CHD6: variants seen among roughly 807,000 people sequenced by gnomAD.
CHD6 encodes ATP-dependent chromatin remodeler CHD6.
Under a neutral mutation model 276.9 loss-of-function variants are expected in CHD6, and 50 were observed. The ratio of observed to expected loss-of-function variants is 0.18; its 90% CI spans 0.14 to 0.23. The LOEUF is 0.23. Among genes scored for constraint, CHD6 ranks in the 10% least tolerant of loss-of-function variants. The probability of loss-of-function intolerance (pLI) is 1.00; values close to 1 mark genes in which losing one functional copy is unlikely to be tolerated. For missense variants in CHD6, 2,564 were observed against 3,365.8 expected (o/e 0.76, Z 5.89); for synonymous variants, 1,173 against 1,229.3 (o/e 0.95, Z 0.96).
chr20:41,453,318 T>C (rs1351966905), intron 20 of CHD6, among the ~76,000 whole-genome samples: 2 of 152,204 alleles, frequency 1.3e-5, no homozygotes, highest in Non-Finnish European at 2.9e-5. Context: ...GAGAGCAGTC[T>C]GCACTCTGGA....
chr20:41,421,980 A>G lies in CHD6; in HGVS notation c.4655T>C (p.Val1552Ala), dbSNP rs1429038468. 2 of 1,614,126 alleles carry G rather than the reference A, an allele frequency of 1.2e-6. No individual in the cohort carries two copies. The highest frequency in any genetic ancestry group is 2.2e-5 in the East Asian group (1 of 44,902). The change falls in exon 31 of 37, where the codon GTG (valine) becomes GCG (alanine). Residue 1552 changes from valine (V) to alanine (A), a missense_variant. Around this residue, in one of 7 missense-constraint regions of CHD6, gnomAD observed 515 missense variants for 739.5 expected, o/e 0.70. Transcript: ENST00000373233. ...IELLRKVREQVLKCPQLHERL... is the reference protein window; with the variant it reads ...IELLRKVREQALKCPQLHERL... Reference sequence around the variant, plus strand: ...TTCATGCAGCTGAGGGCACTTGAGCACTTGCTCTCGGACTTTCCGTAACAG... The same window carrying G: ...TTCATGCAGCTGAGGGCACTTGAGCGCTTGCTCTCGGACTTTCCGTAACAG...
intron 1 of CHD6, among the ~76,000 whole-genome samples, chr20:41,556,119 G>C (rs1269314975): frequency 6.6e-6 from 1 of 152,194 alleles, no homozygotes; most frequent in Non-Finnish European, 1.5e-5. Flanking sequence ...AGGCGTGGCG[G>C]CGCGCACCTG....
At chr20:41,431,416 TG>T (rs1375361396) in intron 27 of CHD6, among the ~76,000 whole-genome samples, 1 of 152,100 alleles carries the variant, frequency 6.6e-6, no homozygotes, top group Non-Finnish European at 1.5e-5. Flanking sequence ...TTTTGGGTAG[TG>T]ATCAGGAGAA....
At chr20:41,406,756 C>T (rs1279072335) in intron 36 of CHD6, among the ~76,000 whole-genome samples, 7 of 152,216 alleles carry the variant, frequency 4.6e-5, no homozygotes, top group African/African-American at 1.2e-4. Flanking sequence ...TTCTCTCTCT[C>T]GACTGCCCTC....
chr20:41,508,011 A>C (rs547972358), intron 5 of CHD6, among the ~76,000 whole-genome samples: 1 of 152,218 alleles, frequency 6.6e-6, no homozygotes, highest in African/African-American at 2.4e-5. Context: ...CAAAATAAAC[A>C]TATCTGTCTT....
chr20:41,607,151 C>A (rs1406143251), intron 1 of CHD6, among the ~76,000 whole-genome samples: 1 of 152,204 alleles, frequency 6.6e-6, no homozygotes, highest in Non-Finnish European at 1.5e-5. Context: ...GAGCCCCCAG[C>A]AACACATTTC....
At chr20:41,592,420 G>A (rs1020023099) in intron 1 of CHD6, among the ~76,000 whole-genome samples, 6 of 152,158 alleles carry the variant, frequency 3.9e-5, no homozygotes, top group African/African-American at 7.2e-5. Context: ...TGTCTTAAAC[G>A]AGAGTCTTTT....
chr20:41,558,462 A>G (rs551288931), intron 1 of CHD6, among the ~76,000 whole-genome samples: 2 of 152,352 alleles, frequency 1.3e-5, no homozygotes, highest in South Asian at 2.1e-4. Flanking sequence ...TGTCACAGGA[A>G]GAAGACGTAA....
At chr20:41,419,576 A>AAG (rs1569055057) in intron 31 of CHD6, among the ~76,000 whole-genome samples, 17 of 137,074 alleles carry the variant, frequency 1.2e-4, no homozygotes, top group African/African-American at 5.0e-4. Flanking sequence ...AAAAAAAAAA[A>AAG]AAAAAAAAAA....
chr20:41,585,740 A>AC (rs1445712463), intron 1 of CHD6, among the ~76,000 whole-genome samples: 1 of 152,202 alleles, frequency 6.6e-6, no homozygotes, highest in Non-Finnish European at 1.5e-5. Flanking sequence ...GGCCAGCATT[A>AC]CCTTGACATC....
At chr20:41,569,692 A>C (rs1006767387) in intron 1 of CHD6, among the ~76,000 whole-genome samples, 1 of 152,242 alleles carries the variant, frequency 6.6e-6, no homozygotes, top group Non-Finnish European at 1.5e-5. Flanking sequence ...AAGATCAAAA[A>C]TATTTAATAA....
In CHD6 at chr20:41,417,357, G is replaced by A. The variant is rs767412831; in HGVS notation, c.6128-8C>T. The A allele has an allele frequency of 1.2e-6, 2 of 1,609,258 alleles. No individual in the cohort carries two copies. The highest frequency in any genetic ancestry group is 2.2e-5 in the East Asian group (1 of 44,848). The stretch of plus-strand genomic sequence containing the variant: ...AGTACTTCCCTGGATAATCTGGGAA[G>A]AGGTTAAAAAATTAATCAGGCACTT... On this transcript the variant is annotated splice_region_variant and splice_polypyrimidine_tract_variant and intron_variant, in intron 31 of 36. Coordinates refer to ENST00000373233, the MANE Select transcript of CHD6 (RefSeq NM_032221.5).
intron 8 of CHD6, among the ~76,000 whole-genome samples, chr20:41,495,575 T>C (rs2043664115): frequency 6.6e-6 from 1 of 152,072 alleles, no homozygotes; most frequent in Non-Finnish European, 1.5e-5. Context: ...GTATTATATA[T>C]TTGAAATTTG....
chr20:41,609,619 C>T (rs1041065874), intron 1 of CHD6, among the ~76,000 whole-genome samples: 6 of 152,166 alleles, frequency 3.9e-5, no homozygotes, highest in Non-Finnish European at 8.8e-5. Context: ...TTTTAAGGAA[C>T]CTTCCAATTT....
At chr20:41,543,957 C>T (rs1054851786) in intron 2 of CHD6, among the ~76,000 whole-genome samples, 7 of 152,064 alleles carry the variant, frequency 4.6e-5, no homozygotes, top group East Asian at 1.9e-4. Flanking sequence ...TTATGCAGAG[C>T]GGCCAGGCAC....
intron 27 of CHD6, among the ~76,000 whole-genome samples, chr20:41,436,330 T>C (rs562683965): frequency 6.6e-6 from 1 of 152,272 alleles, no homozygotes; most frequent in African/African-American, 2.4e-5. Flanking sequence ...CCTACCAGAA[T>C]GGCTCAAGAA....
chr20:41,452,629 C>T lies in CHD6; in HGVS notation c.3323+111G>A. 1 of 932,344 alleles carries T rather than the reference C, an allele frequency of 1.1e-6. No individual in the cohort carries two copies. Among genetic ancestry groups the T allele is most frequent in the Non-Finnish European group, 1.6e-6 (1 of 608,574 alleles). 57.8% of individuals were successfully genotyped at this position (932,344 alleles called of 1,614,324 possible). A position where few individuals can be genotyped will look rare whatever the true frequency, so the allele number is the denominator to read the frequency against. ...TCTTGCTCCAACAGATCCCCCTTTG[C>T]CCTATAATTCCAAAGGTGACTGGAG... On this transcript the variant is annotated intron_variant, in intron 21 of 36. Coordinates refer to ENST00000373233, the MANE Select transcript of CHD6 (RefSeq NM_032221.5). The surrounding 1 kb of genome is among the most constrained non-coding windows in gnomAD (Gnocchi z 4.2).
chr20:41,546,108 C>T (rs1601124306), intron 2 of CHD6, among the ~76,000 whole-genome samples: 4 of 152,012 alleles, frequency 2.6e-5, no homozygotes, highest in African/African-American at 9.7e-5. Flanking sequence ...CCAAGTAGAA[C>T]GCAAATATTT....
chr20:41,450,900 G>T, intron 23 of CHD6, 46 bp downstream of exon 23: 3 of 1,570,626 alleles, frequency 1.9e-6, no homozygotes, highest in Non-Finnish European at 2.6e-6. Flanking sequence ...AATCGAAGCA[G>T]TCTGAGCCGG....
Sources: gnomAD v4.1 joint callset for allele counts (sites outside exome capture counted in the v4.1 genomes callset) on GRCh38, gnomAD v4.1.1 for gene constraint, gnomAD v4.1.1 regional missense constraint, Gnocchi (gnomAD v3.1) non-coding constraint, MANE v1.5 for transcripts, NCBI Gene and HGNC (gene_info 2026-07-23, HGNC 2026-07-21) for gene names.